SULT1B1: variants seen among roughly 807,000 people sequenced by gnomAD.
The protein encoded by SULT1B1 is sulfotransferase family 1B member 1.
In SULT1B1, 28 loss-of-function variants were observed where a neutral mutation model predicts 34.6. The observed-to-expected ratio is 0.81, with a 90% CI of 0.60 to 1.11. The LOEUF is 1.11. Among genes scored for constraint, SULT1B1 ranks in the 50% least tolerant of loss-of-function variants. The pLI is 0.00. For synonymous variants in SULT1B1, 147 were observed against 110.2 expected (o/e 1.33, Z -2.09); for missense variants, 374 against 352.2 (o/e 1.06, Z -0.50).
chr4:69,734,007 T>G, intron 5 of SULT1B1, 131 bp downstream of exon 5: 1 of 797,766 alleles, frequency 1.3e-6, no homozygotes, highest in Non-Finnish European at 1.8e-6. Flanking sequence ...TAGATTTAGT[T>G]TTTTAGATAA....
At chr4:69,740,970 T>G (rs753155020) in intron 4 of SULT1B1, among the ~76,000 whole-genome samples, 3 of 152,216 alleles carry the variant, frequency 2.0e-5, no homozygotes, top group Non-Finnish European at 4.4e-5. Flanking sequence ...TCAAAGCCTA[T>G]ATCGAGAATG....
In SULT1B1 at chr4:69,733,501, T is replaced by C. The variant is rs745625315; in HGVS notation, c.509A>G (p.Tyr170Cys). ...LEKFLTGKVA[Y>C]GSWFTHVKNW... The stretch of plus-strand genomic sequence containing the variant: ...TTTAACATGAGTAAACCAGGAACCA[T>C]AGGCCACTAAAACCAGATAAAAGTC... Residue 170 changes from tyrosine (Y) to cysteine (C), a missense_variant, in exon 6 of 8, where the codon TAT becomes TGT. Coordinates refer to ENST00000310613, the MANE Select transcript of SULT1B1 (RefSeq NM_014465.4). 53 of 1,598,906 alleles carry C rather than the reference T, an allele frequency of 3.3e-5. No homozygotes were observed. The highest frequency in any genetic ancestry group is 4.2e-5 in the Non-Finnish European group (49 of 1,174,128).
Position 69,755,574 on chromosome 4 carries a change from A to G in SULT1B1, c.-44-313T>C, listed in dbSNP as rs576078363. 5.3e-5 allele frequency among the ~76,000 whole-genome samples: 8 copies of G among 152,322 alleles called. No individual in the cohort carries two copies. In the South Asian group the frequency reaches 1.7e-3, roughly 32 times the overall value. Reference sequence around the variant, plus strand: ...TGAACAATCTGACTTAAGGCAAAATAAATCCACTGCTCATTATTAAGACTT... The same window carrying G: ...TGAACAATCTGACTTAAGGCAAAATGAATCCACTGCTCATTATTAAGACTT... On this transcript the variant is annotated intron_variant, in intron 1 of 7. Transcript: ENST00000310613.
chr4:69,727,560 TAGTC>T (rs10612668), intron 7 of SULT1B1, among the ~76,000 whole-genome samples: 14,164 of 151,996 alleles, frequency 0.093, 904 homozygotes, highest in East Asian at 0.37. Context: ...CTTGGATCAA[TAGTC>T]AGGCATATTT....
intron 4 of SULT1B1, among the ~76,000 whole-genome samples, chr4:69,748,196 G>GTAA (rs1378883066): frequency 6.6e-6 from 1 of 152,084 alleles, no homozygotes; most frequent in African/African-American, 2.4e-5. Flanking sequence ...AAAAATATAT[G>GTAA]TAATGCAAAC....
chr4:69,736,170 T>C (rs576703750), intron 4 of SULT1B1, among the ~76,000 whole-genome samples: 51 of 152,070 alleles, frequency 3.4e-4, no homozygotes, highest in Non-Finnish European at 7.4e-4. Context: ...ACCAATCCTA[T>C]CTAGAGGGGA....
At chr4:69,738,319 G>A (rs917118339) in intron 4 of SULT1B1, among the ~76,000 whole-genome samples, 8 of 152,188 alleles carry the variant, frequency 5.3e-5, no homozygotes, top group Non-Finnish European at 1.5e-5. Flanking sequence ...TGTGAGACTA[G>A]ATAATTTATA....
At chr4:69,727,400 G>T (rs563475002) in intron 7 of SULT1B1, among the ~76,000 whole-genome samples, 200 bp from the exon 8 acceptor site, 62 of 151,988 alleles carry the variant, frequency 4.1e-4, no homozygotes, top group Non-Finnish European at 7.2e-4. Context: ...CTGGAAAGGT[G>T]GTTTATAATT....
rs747237194 is a variant in SULT1B1 at position 69,734,278 on chromosome 4, TG to T, written c.376-15del. 6.3e-7 allele frequency: 1 copy of T among 1,584,928 alleles called. No homozygotes were observed. The highest frequency in any genetic ancestry group is 8.6e-7 in the Non-Finnish European group (1 of 1,166,150). On this transcript the variant is annotated splice_polypyrimidine_tract_variant and intron_variant, in intron 4 of 7. Coordinates refer to ENST00000310613, the MANE Select transcript of SULT1B1 (RefSeq NM_014465.4). ...CAGATAAATCATCTGCAGTGGGGGG[TG>T]GGGGTAGGAGAAAAAAATAAGATAA...
At chr4:69,745,010 C>A (rs780903969) in intron 4 of SULT1B1, among the ~76,000 whole-genome samples, 3 of 152,118 alleles carry the variant, frequency 2.0e-5, no homozygotes, top group Non-Finnish European at 2.9e-5. Context: ...AGGGGCAGGT[C>A]ATTTAACTTC....
At chr4:69,757,778 T>A (rs916357069) in intron 1 of SULT1B1, among the ~76,000 whole-genome samples, 2 of 152,184 alleles carry the variant, frequency 1.3e-5, no homozygotes, top group African/African-American at 2.4e-5. Context: ...ACATGTAGCA[T>A]CTTATGCTAC....
At chr4:69,728,775 C>T (rs1235671584) in intron 7 of SULT1B1, among the ~76,000 whole-genome samples, 1 of 151,952 alleles carries the variant, frequency 6.6e-6, no homozygotes, top group South Asian at 2.1e-4. Context: ...TTACCATAAT[C>T]CTCCCCAGAA....
chr4:69,747,822 G>A (rs556203136), intron 4 of SULT1B1, among the ~76,000 whole-genome samples: 2 of 152,234 alleles, frequency 1.3e-5, no homozygotes, highest in South Asian at 2.1e-4. Context: ...GGAGCTGTGC[G>A]GGGCCAGGAA....
Position 69,726,841 on chromosome 4 carries a change from C to G in SULT1B1, c.*247G>C. 5.8e-6 allele frequency: 2 copies of G among 344,022 alleles called. No homozygotes were observed. Among genetic ancestry groups the G allele is most frequent in the Non-Finnish European group, 1.0e-5 (2 of 191,628 alleles). 21.3% of individuals were successfully genotyped at this position (344,022 alleles called of 1,614,324 possible). A position where few individuals can be genotyped will look rare whatever the true frequency, so the allele number is the denominator to read the frequency against. The stretch of plus-strand genomic sequence containing the variant: ...CTAGTGTAGAAAAAGGCAGGAAGAG[C>G]CTGTGGTTACATTGTTCCTTTGTTA... On this transcript the variant is annotated 3_prime_UTR_variant, in exon 8 of 8. Transcript: ENST00000310613.
intron 4 of SULT1B1, among the ~76,000 whole-genome samples, chr4:69,739,581 A>G (rs900415305): frequency 4.6e-5 from 7 of 152,200 alleles, no homozygotes; most frequent in Non-Finnish European, 7.3e-5. Flanking sequence ...TTTTCTTCCT[A>G]GGCCTCTGGG....
chr4:69,745,453 A>G (rs1203456638), intron 4 of SULT1B1, among the ~76,000 whole-genome samples: 1 of 152,322 alleles, frequency 6.6e-6, no homozygotes, highest in South Asian at 2.1e-4. Flanking sequence ...TTATCATTGT[A>G]TAATATTATT....
intron 4 of SULT1B1, among the ~76,000 whole-genome samples, chr4:69,742,584 G>A (rs1436419227): frequency 1.3e-5 from 2 of 152,192 alleles, no homozygotes; most frequent in African/African-American, 2.4e-5. Flanking sequence ...ATTTATGGGG[G>A]TTTCAATCCT....
chr4:69,731,375 T>C (rs939551701), intron 6 of SULT1B1, among the ~76,000 whole-genome samples: 2 of 152,190 alleles, frequency 1.3e-5, no homozygotes, highest in African/African-American at 4.8e-5. Flanking sequence ...AAACCATCCA[T>C]ATACAGCCCC....
At chr4:69,752,646 T>C (rs1398612865) in intron 3 of SULT1B1, among the ~76,000 whole-genome samples, 8 of 152,340 alleles carry the variant, frequency 5.3e-5, no homozygotes, top group African/African-American at 1.9e-4. Context: ...AAAATTGGCA[T>C]TTGCTGTCTG....
Sources: gnomAD v4.1 joint callset for allele counts (sites outside exome capture counted in the v4.1 genomes callset) on GRCh38, gnomAD v4.1.1 for gene constraint, MANE v1.5 for transcripts, NCBI Gene and HGNC (gene_info 2026-07-23, HGNC 2026-07-21) for gene names.